The following NCKAP5 variants were observed in gnomAD, a reference collection of about 807,000 sequenced individuals.
NCKAP5 encodes the protein NCK associated protein 5.
Under a neutral mutation model 167.0 loss-of-function variants are expected in NCKAP5, and 92 were observed. That is an observed-to-expected ratio of 0.55 (90% CI 0.47 to 0.66). The LOEUF (loss-of-function observed/expected upper bound fraction) is 0.66. NCKAP5 is among the 30% of genes least tolerant of loss of function. NCKAP5 has a pLI of 0.00. For missense variants in NCKAP5, 2,378 were observed against 2,315.0 expected (o/e 1.03, Z -0.56); for synonymous variants, 891 against 877.4 (o/e 1.02, Z -0.27).
intron 6 of NCKAP5, among the ~76,000 whole-genome samples, chr2:133,046,630 C>T (rs1242967129): frequency 2.0e-5 from 3 of 152,096 alleles, no homozygotes; most frequent in Non-Finnish European, 1.5e-5. Context: ...TCTCTCACCT[C>T]GGCATCCCAA....
chr2:132,768,637 CT>C (rs566719697), intron 16 of NCKAP5, among the ~76,000 whole-genome samples: 12,843 of 123,572 alleles, frequency 0.1, 361 homozygotes, highest in African/African-American at 0.13. Flanking sequence ...TTAATAATAT[CT>C]TTTTTTTTTT....
intron 3 of NCKAP5, among the ~76,000 whole-genome samples, chr2:133,383,119 GGTTT>G (rs1686649837): frequency 6.6e-6 from 1 of 151,968 alleles, no homozygotes; most frequent in Admixed American, 6.6e-5. Flanking sequence ...ACAGTGTGCA[GGTTT>G]GTTACATATG....
chr2:132,768,806 A>AT (rs1681760292), intron 16 of NCKAP5, among the ~76,000 whole-genome samples: 1 of 150,942 alleles, frequency 6.6e-6, no homozygotes, highest in Non-Finnish European at 1.5e-5. Flanking sequence ...CGCCCGGCTA[A>AT]TTTTTTGTAT....
intron 11 of NCKAP5, among the ~76,000 whole-genome samples, chr2:132,799,530 G>C (rs1045494147): frequency 6.6e-6 from 1 of 152,180 alleles, no homozygotes; most frequent in African/African-American, 2.4e-5. Flanking sequence ...CACAGGTATA[G>C]AGAGGCACTA....
intron 3 of NCKAP5, among the ~76,000 whole-genome samples, chr2:133,338,356 C>T (rs1375153923): frequency 6.6e-6 from 1 of 152,168 alleles, no homozygotes; most frequent in Non-Finnish European, 1.5e-5. Context: ...TCATTGCATT[C>T]TAATTCTTAG....
At chr2:133,161,842 G>A (rs2083807039) in intron 5 of NCKAP5, among the ~76,000 whole-genome samples, 1 of 152,080 alleles carries the variant, frequency 6.6e-6, no homozygotes, top group South Asian at 2.1e-4. Context: ...AGGTATATAG[G>A]GCCCAGAACT....
chr2:132,817,366 A>C, intron 11 of NCKAP5, among the ~76,000 whole-genome samples: 1 of 152,212 alleles, frequency 6.6e-6, no homozygotes, highest in African/African-American at 2.4e-5. Context: ...TTTATCACAC[A>C]GGCTGATGCT....
intron 3 of NCKAP5, among the ~76,000 whole-genome samples, chr2:133,377,657 C>A (rs1326989538): frequency 6.6e-6 from 1 of 152,102 alleles, no homozygotes; most frequent in Non-Finnish European, 1.5e-5. Context: ...TTCCAGTGAC[C>A]CCCTAATTTG....
At chr2:133,471,388 A>T (rs867357197) in intron 3 of NCKAP5, among the ~76,000 whole-genome samples, 101 of 152,268 alleles carry the variant, frequency 6.6e-4, no homozygotes, top group African/African-American at 2.2e-3. Context: ...ACAGGTGGAG[A>T]GAGATCTGGA....
rs115806609 is a variant in NCKAP5, at chr2:133,109,129, C to T, written c.341+20849G>A. ...TTATATAAAAACTTCCCAGCCTGTA[C>T]GATGAGGCCTCAAATTATACAACAA... On this transcript the variant is annotated intron_variant, in intron 6 of 19. Coordinates refer to ENST00000409261, the MANE Select transcript of NCKAP5 (RefSeq NM_207363.3). Among the ~76,000 whole-genome samples, 346 of 152,266 alleles carry T rather than the reference C, an allele frequency of 2.3e-3. 1 individual carries two copies. The highest frequency in any genetic ancestry group is 7.9e-3 in the African/African-American group (327 of 41,558).
intron 6 of NCKAP5, among the ~76,000 whole-genome samples, chr2:133,085,157 A>C (rs894355636): frequency 2.0e-5 from 3 of 152,194 alleles, no homozygotes; most frequent in African/African-American, 7.2e-5. Context: ...GGAAAATAAC[A>C]TAACAGTATT....
chr2:132,870,486 A>C (rs1690724508), intron 9 of NCKAP5, among the ~76,000 whole-genome samples: 1 of 152,030 alleles, frequency 6.6e-6, no homozygotes, highest in African/African-American at 2.4e-5. Context: ...ATCCAATATA[A>C]ATTTTCTGAG....
At chr2:133,615,105 A>AT in the NCKAP5 span, among the ~76,000 whole-genome samples, 1 of 151,642 alleles carries the variant, frequency 6.6e-6, no homozygotes, top group Admixed American at 6.6e-5. Flanking sequence ...ATGCTGAGAG[A>AT]TTTTGTCACC....
At chr2:133,302,799 A>AT (rs1680483585) in intron 4 of NCKAP5, among the ~76,000 whole-genome samples, 4 of 151,244 alleles carry the variant, frequency 2.6e-5, no homozygotes, top group South Asian at 2.1e-4. Flanking sequence ...TAAAAATAAA[A>AT]AAAATAAATA....
At chr2:133,469,797 T>C (rs1692909013) in intron 3 of NCKAP5, among the ~76,000 whole-genome samples, 1 of 151,884 alleles carries the variant, frequency 6.6e-6, no homozygotes, top group South Asian at 2.1e-4. Flanking sequence ...TTCCAGTTGA[T>C]CGCATCGGCT....
Position 133,351,077 on chromosome 2 carries a change from G to A in NCKAP5, c.70-47967C>T, listed in dbSNP as rs116322470. Among the ~76,000 whole-genome samples the A allele has an allele frequency of 3.0e-3, 462 of 152,238 alleles. 2 individuals carry two copies. The highest frequency in any genetic ancestry group is 0.011 in the African/African-American group (442 of 41,532). Reference sequence around the variant, plus strand: ...AGAGTGAGCTAAAAGAAGGTAAGGCGGAGTATTTGTGTTTGTAGAACATCA... The same window carrying A: ...AGAGTGAGCTAAAAGAAGGTAAGGCAGAGTATTTGTGTTTGTAGAACATCA... On this transcript the variant is annotated intron_variant, in intron 3 of 19. Transcript: ENST00000409261.
chr2:132,809,736 G>A (rs6721712), intron 11 of NCKAP5, among the ~76,000 whole-genome samples: 3,882 of 152,266 alleles, frequency 0.025, 187 homozygotes, highest in African/African-American at 0.088. Flanking sequence ...TATCTTTTAA[G>A]TGGAGCATTT....
chr2:133,669,836 C>T, the NCKAP5 span, among the ~76,000 whole-genome samples: 1 of 152,262 alleles, frequency 6.6e-6, no homozygotes, highest in African/African-American at 2.4e-5. Flanking sequence ...CCTACTTCTT[C>T]AAAACACTTA....
At chr2:133,080,412 T>C (rs1313266388) in intron 6 of NCKAP5, among the ~76,000 whole-genome samples, 2 of 152,126 alleles carry the variant, frequency 1.3e-5, no homozygotes, top group Admixed American at 1.3e-4. Context: ...GAGTTTTTCC[T>C]GTGCTTTATT....
Sources: gnomAD v4.1 joint callset for allele counts (sites outside exome capture counted in the v4.1 genomes callset) on GRCh38, gnomAD v4.1.1 for gene constraint, MANE v1.5 for transcripts, NCBI Gene and HGNC (gene_info 2026-07-23, HGNC 2026-07-21) for gene names.